Variants in BAZ2B observed in about 807,000 individuals in gnomAD.
BAZ2B encodes the protein bromodomain adjacent to zinc finger domain protein 2B.
A neutral mutation model predicts 246.0 loss-of-function variants in BAZ2B; 91 were observed. The ratio of observed to expected loss-of-function variants is 0.37; its 90% confidence interval spans 0.31 to 0.44. The LOEUF (loss-of-function observed/expected upper bound fraction) is 0.44. Among genes scored for constraint, BAZ2B ranks in the 20% least tolerant of loss-of-function variants. The pLI is 1.00. For missense variants in BAZ2B, 2,332 were observed against 2,533.7 expected (o/e 0.92, Z 1.71); for synonymous variants, 855 against 860.0 (o/e 0.99, Z 0.10).
At chr2:159,399,423 A>G in intron 17 of BAZ2B, among the ~76,000 whole-genome samples, 1 of 152,076 alleles carries the variant, frequency 6.6e-6, no homozygotes, top group Non-Finnish European at 1.5e-5. Flanking sequence ...TATTAAGTGA[A>G]GCATATTAAG....
chr2:159,711,940 G>C, the BAZ2B span: 90 of 152,246 alleles, frequency 5.9e-4, no homozygotes, highest in African/African-American at 2.0e-3. Context: ...ATGATCACAA[G>C]GTTGGACAAA....
At chr2:159,518,215 T>A (rs2083641261) in intron 2 of BAZ2B, among the ~76,000 whole-genome samples, 1 of 152,224 alleles carries the variant, frequency 6.6e-6, no homozygotes, top group South Asian at 2.1e-4. Flanking sequence ...ATAAATTTGA[T>A]ATTTGGTTTC....
At chr2:159,546,085 T>G (rs1206010581) in intron 2 of BAZ2B, among the ~76,000 whole-genome samples, 1 of 152,204 alleles carries the variant, frequency 6.6e-6, no homozygotes, top group Non-Finnish European at 1.5e-5. Context: ...TACTGACTGC[T>G]ATTTCTCCAT....
At chr2:159,384,029 G>T (rs1021840262) in intron 23 of BAZ2B, among the ~76,000 whole-genome samples, 2 of 151,832 alleles carry the variant, frequency 1.3e-5, no homozygotes, top group African/African-American at 2.4e-5. Flanking sequence ...ATCAAAGCAG[G>T]ATACCAGAAC....
the BAZ2B span, among the ~76,000 whole-genome samples, chr2:159,678,558 G>C: frequency 6.6e-6 from 1 of 152,140 alleles, no homozygotes; most frequent in South Asian, 2.1e-4. Flanking sequence ...CCAGCTACTA[G>C]AGAGGCTGAG....
At chr2:159,396,030 A>T (rs921486542) in intron 19 of BAZ2B, 196 bp from the exon 20 acceptor site, 17 of 472,436 alleles carry the variant, frequency 3.6e-5, no homozygotes, top group African/African-American at 1.2e-4. Context: ...TTAGAAAGCA[A>T]ATACAACAAT....
chr2:159,651,396 C>T, the BAZ2B span, among the ~76,000 whole-genome samples: 1 of 152,090 alleles, frequency 6.6e-6, no homozygotes, highest in East Asian at 1.9e-4. Flanking sequence ...TTTTCTCATC[C>T]CGGCTCTCTC....
intron 2 of BAZ2B, among the ~76,000 whole-genome samples, chr2:159,495,936 T>A (rs2081068273): frequency 1.3e-5 from 2 of 150,018 alleles, no homozygotes; most frequent in African/African-American, 2.4e-5. Context: ...CCCAGCCAAT[T>A]TTTTTTTTGT....
chr2:159,623,832 A>G, the BAZ2B span, among the ~76,000 whole-genome samples: 1 of 152,272 alleles, frequency 6.6e-6, no homozygotes, highest in Non-Finnish European at 1.5e-5. Context: ...GAAATAATCC[A>G]AATATCTGTC....
chr2:159,609,407 G>A (rs1371586954), intron 1 of BAZ2B, among the ~76,000 whole-genome samples: 1 of 152,080 alleles, frequency 6.6e-6, no homozygotes, highest in African/African-American at 2.4e-5. Context: ...TAAGCTAAAA[G>A]TATTATACTA....
chr2:159,561,630 A>C (rs545481473), intron 1 of BAZ2B, among the ~76,000 whole-genome samples: 1 of 152,348 alleles, frequency 6.6e-6, no homozygotes, highest in East Asian at 1.9e-4. Context: ...GTAAATAGCC[A>C]CATGTGGCTT....
At chr2:159,443,358 A>G (rs2073763246) in intron 6 of BAZ2B, among the ~76,000 whole-genome samples, 1 of 152,166 alleles carries the variant, frequency 6.6e-6, no homozygotes, top group South Asian at 2.1e-4. Flanking sequence ...TGCAGACTAT[A>G]TGAGGGGACT....
At chr2:159,606,270 C>A (rs1693467521) in intron 1 of BAZ2B, among the ~76,000 whole-genome samples, 1 of 151,814 alleles carries the variant, frequency 6.6e-6, no homozygotes, top group South Asian at 2.1e-4. Flanking sequence ...TTAACTTTGG[C>A]TCCAAAGTAA....
rs1350234650 is a variant in BAZ2B at position 159,344,405 on chromosome 2, ATGCCTGTAATCCCAGCTACTCAGGAGGC to A, written c.5454+3053_5454+3080del. On this transcript the variant is annotated intron_variant, in intron 31 of 36. Coordinates refer to ENST00000392783, the MANE Select transcript of BAZ2B (RefSeq NM_013450.4). The stretch of plus-strand genomic sequence containing the variant: ...CAAAATTAGCCAGGCGTGGTGGTGC[ATGCCTGTAATCCCAGCTACTCAGGAGGC>A]TGAGGCAGGAGAGTTGCTTGAACCT... 2.0e-5 allele frequency among the ~76,000 whole-genome samples: 3 copies of A among 151,900 alleles called. No individual in the cohort carries two copies. The East Asian group carries it at 5.8e-4, about 30-fold the overall frequency.
At chr2:159,316,103 G>T (rs1296397777), downstream of BAZ2B, among the ~76,000 whole-genome samples, 1 of 151,976 alleles carries the variant, frequency 6.6e-6, no homozygotes, top group Non-Finnish European at 1.5e-5. Flanking sequence ...ATAAGTAGTC[G>T]ACTGGAAAGG....
chr2:159,422,383 A>C (rs1215794022), intron 13 of BAZ2B, among the ~76,000 whole-genome samples: 1 of 152,212 alleles, frequency 6.6e-6, no homozygotes, highest in African/African-American at 2.4e-5. Flanking sequence ...TGGTACTGGT[A>C]CAAAAACAGA....
At chr2:159,358,912 A>G (rs1417114451) in intron 27 of BAZ2B, among the ~76,000 whole-genome samples, 1 of 152,226 alleles carries the variant, frequency 6.6e-6, no homozygotes, top group East Asian at 1.9e-4. Context: ...TTTGAAACCA[A>G]TGAGAACAAA....
chr2:159,419,335 T>C (rs2150026761), intron 13 of BAZ2B, among the ~76,000 whole-genome samples: 1 of 152,208 alleles, frequency 6.6e-6, no homozygotes, highest in Admixed American at 6.6e-5. Flanking sequence ...GCGACGAAAT[T>C]TGACAATTCA....
chr2:159,327,100 G>A (rs1019317555), intron 34 of BAZ2B, among the ~76,000 whole-genome samples: 1 of 149,268 alleles, frequency 6.7e-6, no homozygotes, highest in African/African-American at 2.5e-5. Context: ...GCCCAGGCTG[G>A]GAGTGCAGTG....
Sources: gnomAD v4.1 joint callset for allele counts (sites outside exome capture counted in the v4.1 genomes callset) on GRCh38, gnomAD v4.1.1 for gene constraint, MANE v1.5 for transcripts, NCBI Gene and HGNC (gene_info 2026-07-23, HGNC 2026-07-21) for gene names.